PRKG1: variants seen among roughly 807,000 people sequenced by gnomAD.
PRKG1 encodes the protein cGMP-dependent protein kinase 1.
Under a neutral mutation model 88.1 loss-of-function variants are expected in PRKG1, and 35 were observed. The ratio of observed to expected loss-of-function variants is 0.40; its 90% CI spans 0.30 to 0.53. The LOEUF (loss-of-function observed/expected upper bound fraction) is 0.53. PRKG1 is among the 20% of genes least tolerant of loss of function. The pLI is 0.59. For synonymous variants in PRKG1, 303 were observed against 292.5 expected (o/e 1.04, Z -0.37); for missense variants, 540 against 839.8 (o/e 0.64, Z 4.41).
intron 2 of PRKG1, among the ~76,000 whole-genome samples, chr10:51,349,359 T>C (rs750860136): frequency 5.3e-5 from 8 of 152,170 alleles, no homozygotes; most frequent in Non-Finnish European, 8.8e-5. Context: ...GGATATTTTC[T>C]TAGACCAACA....
chr10:51,041,305 T>A (rs906581543), intron 1 of PRKG1, among the ~76,000 whole-genome samples: 11 of 152,074 alleles, frequency 7.2e-5, no homozygotes, highest in Non-Finnish European at 1.2e-4. Flanking sequence ...GCCTGCTTGG[T>A]GCTCTACCCC....
At chr10:51,806,987 G>A (rs1013491590) in intron 4 of PRKG1, among the ~76,000 whole-genome samples, 1 of 152,138 alleles carries the variant, frequency 6.6e-6, no homozygotes, top group African/African-American at 2.4e-5. Flanking sequence ...ATTACACTGA[G>A]AAGTCACGTC....
intron 2 of PRKG1, among the ~76,000 whole-genome samples, chr10:51,373,733 A>C (rs1842751198): frequency 6.6e-6 from 1 of 152,184 alleles, no homozygotes; most frequent in Non-Finnish European, 1.5e-5. Flanking sequence ...AAACAAGATC[A>C]TGTCCTTTGC....
rs1841020035 is a variant in PRKG1, at chr10:51,305,769, A to G, written c.478+152439A>G. Among the ~76,000 whole-genome samples the G allele has an allele frequency of 4.6e-5, 7 of 152,260 alleles. No homozygotes were observed. In the South Asian group the frequency reaches 1.4e-3, roughly 32 times the overall value. ...AAAGTGTAACATTTTGCTTTGTTTT[A>G]TGTTTTTCTGGATAAAAATATCATT... On this transcript the variant is annotated intron_variant, in intron 2 of 17. Coordinates refer to ENST00000373980, the MANE Select transcript of PRKG1 (RefSeq NM_006258.4).
At chr10:51,562,625 T>A (rs1259143335) in intron 3 of PRKG1, among the ~76,000 whole-genome samples, 1 of 152,124 alleles carries the variant, frequency 6.6e-6, no homozygotes, top group Non-Finnish European at 1.5e-5. Flanking sequence ...TATCTCTCTT[T>A]GATTACTATA....
At chr10:52,062,110 A>G (rs1846250230) in intron 6 of PRKG1, among the ~76,000 whole-genome samples, 1 of 152,146 alleles carries the variant, frequency 6.6e-6, no homozygotes, top group Non-Finnish European at 1.5e-5. Flanking sequence ...AATAATTAAA[A>G]CAATATTAAG....
chr10:51,562,956 T>G (rs6480331), intron 3 of PRKG1, among the ~76,000 whole-genome samples: 2 of 151,050 alleles, frequency 1.3e-5, no homozygotes, highest in South Asian at 2.1e-4. Flanking sequence ...ATTTTTATTT[T>G]TATTTTAAAG....
chr10:51,414,173 G>A lies in PRKG1; in HGVS notation c.479-53550G>A, dbSNP rs150674239. ...CCTGGCCCCTACAGCAATGTGCCCCGTCACTGACGTTTCTTGCCTCAGAAT... is the reference window on the plus strand; with the variant it reads ...CCTGGCCCCTACAGCAATGTGCCCCATCACTGACGTTTCTTGCCTCAGAAT... On this transcript the variant is annotated intron_variant, in intron 2 of 17. Coordinates refer to ENST00000373980, the MANE Select transcript of PRKG1 (RefSeq NM_006258.4). Among the ~76,000 whole-genome samples, 102 of 152,284 alleles carry A rather than the reference G, an allele frequency of 6.7e-4. No individual in the cohort carries two copies. The East Asian group carries it at 9.4e-3, about 14-fold the overall frequency.
At chr10:51,677,828 C>G (rs1375518712) in intron 3 of PRKG1, among the ~76,000 whole-genome samples, 1 of 152,052 alleles carries the variant, frequency 6.6e-6, no homozygotes, top group Admixed American at 6.6e-5. Context: ...TTAACAAATC[C>G]CTGGTTTGCG....
rs1342894899 is a variant in PRKG1, at chr10:51,679,089, A to T, written c.593-125496A>T. 3.3e-5 allele frequency among the ~76,000 whole-genome samples: 5 copies of T among 152,208 alleles called. No homozygotes were observed. The East Asian group carries it at 9.6e-4, about 29-fold the overall frequency. On this transcript the variant is annotated intron_variant, in intron 3 of 17. Transcript: ENST00000373980. ...TACAAGAAGGAAGACAAGGTCTCTG[A>T]CATTTAGATGTTATTCCTCCCTTAT... is the stretch of plus-strand genomic sequence containing the variant.
rs547695682 is a variant in PRKG1 at position 51,989,552 on chromosome 10, A to G, written c.763-64932A>G. Among the ~76,000 whole-genome samples, 227 of 151,998 alleles carry G rather than the reference A, an allele frequency of 1.5e-3. No individual in the cohort carries two copies. The Middle Eastern group carries it at 0.017, about 11-fold the overall frequency. On this transcript the variant is annotated intron_variant, in intron 5 of 17. Coordinates refer to ENST00000373980, the MANE Select transcript of PRKG1 (RefSeq NM_006258.4). ...AACCAGATTGCCTGTAATGTCAATCATAATAGCTTTGGCTATCAAGTCTAT... is the reference window on the plus strand; with the variant it reads ...AACCAGATTGCCTGTAATGTCAATCGTAATAGCTTTGGCTATCAAGTCTAT...
At chr10:51,235,833 A>G (rs1383277178) in intron 2 of PRKG1, among the ~76,000 whole-genome samples, 1 of 152,192 alleles carries the variant, frequency 6.6e-6, no homozygotes, top group Non-Finnish European at 1.5e-5. Flanking sequence ...AAAAAACTCC[A>G]TCAGAAATGG....
At chr10:51,905,601 TG>T (rs1295466271) in intron 4 of PRKG1, among the ~76,000 whole-genome samples, 4 of 152,156 alleles carry the variant, frequency 2.6e-5, no homozygotes, top group African/African-American at 7.2e-5. Flanking sequence ...GATAACCTTT[TG>T]TTTTTTTTTA....
chr10:51,549,409 ACCCTG>A (rs1280946999), intron 3 of PRKG1, among the ~76,000 whole-genome samples: 1 of 151,532 alleles, frequency 6.6e-6, no homozygotes, highest in African/African-American at 2.4e-5. Flanking sequence ...TCCACTAGAC[ACCCTG>A]CCTAAACTAA....
chr10:51,300,359 T>C (rs770962566), intron 2 of PRKG1, among the ~76,000 whole-genome samples: 1 of 152,210 alleles, frequency 6.6e-6, no homozygotes, highest in Admixed American at 6.5e-5. Context: ...TATATTATAG[T>C]GGTATCATAA....
intron 4 of PRKG1, among the ~76,000 whole-genome samples, chr10:51,858,540 A>G (rs1307482142): frequency 7.0e-6 from 1 of 143,188 alleles, no homozygotes; most frequent in Non-Finnish European, 1.5e-5. Context: ...CCATTCAGGC[A>G]TGAACATATT....
At chr10:52,282,084 C>G in intron 13 of PRKG1, 69 bp from the exon 14 acceptor site, 1 of 1,383,562 alleles carries the variant, frequency 7.2e-7, no homozygotes. Flanking sequence ...CAGTGTGCTT[C>G]AAAATAACTT....
chr10:52,290,335 T>A, intron 17 of PRKG1, 45 bp downstream of exon 17: 1 of 1,434,796 alleles, frequency 7.0e-7, no homozygotes, highest in Non-Finnish European at 9.7e-7. Context: ...TAATTGATGG[T>A]GTTTATGTCA....
chr10:51,653,715 T>TATC (rs1221239574), intron 3 of PRKG1, among the ~76,000 whole-genome samples: 2 of 151,932 alleles, frequency 1.3e-5, no homozygotes, highest in Non-Finnish European at 2.9e-5. Flanking sequence ...TACAGGCATG[T>TATC]ATCACCATGC....
Sources: allele counts gnomAD v4.1 joint callset (sites outside exome capture counted in the v4.1 genomes callset), GRCh38; gene constraint gnomAD v4.1.1; transcripts MANE v1.5; gene names NCBI Gene and HGNC (gene_info 2026-07-23, HGNC 2026-07-21).